The following CDC73 variants were observed in gnomAD, a reference collection of about 807,000 sequenced individuals.
The protein encoded by CDC73 is cell division cycle 73, also known as parafibromin.
A neutral mutation model predicts 83.7 loss-of-function variants in CDC73; 21 were observed. The ratio of observed to expected loss-of-function variants is 0.25; its 90% CI spans 0.18 to 0.36. CDC73 has a LOEUF of 0.36. Among genes scored for constraint, CDC73 ranks in the 10% least tolerant of loss-of-function variants. The pLI, the probability that CDC73 is intolerant of heterozygous loss-of-function variation, is 1.00. For missense variants in CDC73, 342 were observed against 653.3 expected (o/e 0.52, Z 5.19); for synonymous variants, 224 against 212.9 (o/e 1.05, Z -0.45).
intron 10 of CDC73, among the ~76,000 whole-genome samples, chr1:193,191,625 A>G (rs1676919935): frequency 6.6e-6 from 1 of 152,124 alleles, no homozygotes. Flanking sequence ...ACCTCAAGTG[A>G]TCTGCCCACC....
At chr1:193,164,348 A>G (rs979915878) in intron 10 of CDC73, among the ~76,000 whole-genome samples, 1 of 152,210 alleles carries the variant, frequency 6.6e-6, no homozygotes, top group Admixed American at 6.5e-5. Context: ...GCATTATGTT[A>G]GTAATTTGCT....
At chr1:193,211,198 C>T (rs1298298278) in intron 11 of CDC73, among the ~76,000 whole-genome samples, 4 of 152,178 alleles carry the variant, frequency 2.6e-5, no homozygotes, top group African/African-American at 9.7e-5. Flanking sequence ...AGGGATAGTA[C>T]CAAACCAGAT....
chr1:193,199,588 C>G (rs1394745758), intron 10 of CDC73, among the ~76,000 whole-genome samples: 1 of 151,230 alleles, frequency 6.6e-6, no homozygotes, highest in African/African-American at 2.4e-5. Context: ...TGGTGCGCAC[C>G]TGTAGCCCCA....
chr1:193,195,473 T>C (rs1236682292), intron 10 of CDC73, among the ~76,000 whole-genome samples: 1 of 152,178 alleles, frequency 6.6e-6, no homozygotes, highest in African/African-American at 2.4e-5. Flanking sequence ...TGTAAAAATA[T>C]CTGTTTAAGT....
intron 15 of CDC73, among the ~76,000 whole-genome samples, chr1:193,247,464 G>T (rs1273402878): frequency 6.6e-6 from 1 of 151,840 alleles, no homozygotes; most frequent in African/African-American, 2.4e-5. Flanking sequence ...TAACCCTACA[G>T]TGACCTCCAA....
intron 15 of CDC73, among the ~76,000 whole-genome samples, chr1:193,242,917 A>G (rs1309863896): frequency 6.6e-6 from 1 of 151,738 alleles, no homozygotes; most frequent in Non-Finnish European, 1.5e-5. Flanking sequence ...CTGGCTTCTT[A>G]CAAAAGAACT....
At chr1:193,194,490 A>G (rs1456377782) in intron 10 of CDC73, among the ~76,000 whole-genome samples, 1 of 152,202 alleles carries the variant, frequency 6.6e-6, no homozygotes, top group Admixed American at 6.5e-5. Flanking sequence ...GATTATGTGT[A>G]CCATCTACCT....
chr1:193,160,737 G>A (rs1490604922), intron 10 of CDC73, among the ~76,000 whole-genome samples: 1 of 151,384 alleles, frequency 6.6e-6, no homozygotes, highest in Non-Finnish European at 1.5e-5. Context: ...TTATTATTTT[G>A]AACAAATATT....
chr1:193,200,312 T>G (rs771910220), intron 10 of CDC73, among the ~76,000 whole-genome samples: 40 of 152,194 alleles, frequency 2.6e-4, no homozygotes, highest in Admixed American at 1.3e-4. Context: ...CAACAAATAT[T>G]TTTTTCTGAT....
chr1:193,152,479 C>G, intron 10 of CDC73, 35 bp downstream of exon 10: 1 of 1,406,674 alleles, frequency 7.1e-7, no homozygotes, highest in Non-Finnish European at 1.0e-6. Context: ...TCTTTTGTTC[C>G]AGGGATTTTA....
At chr1:193,126,095 A>C (rs954688092) in intron 2 of CDC73, among the ~76,000 whole-genome samples, 2 of 152,184 alleles carry the variant, frequency 1.3e-5, no homozygotes, top group Non-Finnish European at 2.9e-5. Context: ...ATGCCATCTC[A>C]AGAAAAAGAA....
chr1:193,212,549 A>G, intron 13 of CDC73, 72 bp downstream of exon 13: 1 of 1,001,942 alleles, frequency 1.0e-6, no homozygotes, highest in South Asian at 1.6e-5. Context: ...TTACTGAATC[A>G]GTATTACTTA....
At chr1:193,165,746 T>C (rs1452112305) in intron 10 of CDC73, among the ~76,000 whole-genome samples, 1 of 152,220 alleles carries the variant, frequency 6.6e-6, no homozygotes, top group African/African-American at 2.4e-5. Flanking sequence ...CGTATCTCTC[T>C]CTCCCTCCCA....
intron 10 of CDC73, among the ~76,000 whole-genome samples, chr1:193,178,050 C>T (rs943695006): frequency 4.5e-4 from 69 of 152,122 alleles, no homozygotes; most frequent in African/African-American, 1.4e-3. Context: ...CACATAGTGT[C>T]GGGATGAAGA....
chr1:193,147,752 T>G, intron 7 of CDC73, 115 bp from the exon 8 acceptor site: 1 of 713,368 alleles, frequency 1.4e-6, no homozygotes. Flanking sequence ...AATGATACCT[T>G]ATGACATATG....
At chr1:193,211,310 G>A (rs1020038982) in intron 11 of CDC73, among the ~76,000 whole-genome samples, 1 of 152,176 alleles carries the variant, frequency 6.6e-6, no homozygotes, top group African/African-American at 2.4e-5. Context: ...GCAGTTTGAG[G>A]TACAAAGGCA....
chr1:193,144,871 C>T (rs1318674915), intron 7 of CDC73, among the ~76,000 whole-genome samples: 1 of 148,806 alleles, frequency 6.7e-6, no homozygotes, highest in Non-Finnish European at 1.5e-5. Context: ...AGGAAAGCAA[C>T]TGATAGTATT....
chr1:193,212,016 G>A, intron 11 of CDC73, 49 bp from the exon 12 acceptor site: 1 of 1,411,018 alleles, frequency 7.1e-7, no homozygotes. Context: ...TTGAAAATAA[G>A]AATATGGTTT....
At chr1:193,214,489 G>A (rs1677329578) in intron 13 of CDC73, among the ~76,000 whole-genome samples, 1 of 152,150 alleles carries the variant, frequency 6.6e-6, no homozygotes, top group Non-Finnish European at 1.5e-5. Flanking sequence ...AGGCCGAGGT[G>A]GGTGGATCAT....
Sources: allele counts gnomAD v4.1 joint callset (sites outside exome capture counted in the v4.1 genomes callset), GRCh38; gene constraint gnomAD v4.1.1; transcripts MANE v1.5; gene names NCBI Gene and HGNC (gene_info 2026-07-23, HGNC 2026-07-21).